CFAP74: variants seen among roughly 807,000 people sequenced by gnomAD.
The protein encoded by CFAP74 is cilia and flagella associated protein 74.
A neutral mutation model predicts 188.9 loss-of-function variants in CFAP74; 124 were observed. That is an observed-to-expected ratio of 0.66 (90% CI 0.57 to 0.76). CFAP74 has a LOEUF of 0.76. Among genes scored for constraint, CFAP74 ranks in the 30% least tolerant of loss-of-function variants. The pLI is 0.00. For synonymous variants in CFAP74, 956 were observed against 916.7 expected (o/e 1.04, Z -0.77); for missense variants, 2,198 against 2,165.2 (o/e 1.02, Z -0.30).
rs1468174645 is a variant in CFAP74, at chr1:1,969,195, G to A, written c.1047-362C>T. 1.6e-4 allele frequency among the ~76,000 whole-genome samples: 18 copies of A among 115,148 alleles called. No individual in the cohort carries two copies. In the Admixed American group the frequency reaches 1.6e-3, roughly 10 times the overall value. The allele number at this position is 115,148 out of a possible 152,430, so 75.5% of individuals were successfully genotyped here. On this transcript the variant is annotated intron_variant, in intron 10 of 38. Transcript: ENST00000682832. ...GTCCTGCCCAGCCCTGCCCAGCCCT[G>A]CCCAGCCCAGCCTAGCCCTGCCCAG...
chr1:1,960,782 C>T (rs1310214827), intron 14 of CFAP74, among the ~76,000 whole-genome samples: 2 of 152,162 alleles, frequency 1.3e-5, no homozygotes, highest in Admixed American at 6.5e-5. Flanking sequence ...GCACAGAGCC[C>T]GGGATGGAGC....
chr1:1,948,248 C>T (rs562522315), intron 18 of CFAP74, among the ~76,000 whole-genome samples: 27 of 152,050 alleles, frequency 1.8e-4, no homozygotes, highest in African/African-American at 4.6e-4. Flanking sequence ...TGGACCTGAG[C>T]GCAGGTGGTC....
In CFAP74 at chr1:1,938,996, TAGA is replaced by T; in HGVS notation, c.2878-11_2878-9del. ...GGGTTGGACGTCCACAAACTGGAAATAGAAGAGTGCTCTGAGGGCATGTCACGG... is the reference window on the plus strand; with the variant it reads ...GGGTTGGACGTCCACAAACTGGAAATAGAGTGCTCTGAGGGCATGTCACGG... On this transcript the variant is annotated splice_polypyrimidine_tract_variant and intron_variant, in intron 24 of 38. Transcript: ENST00000682832. 6.5e-7 allele frequency: 1 copy of T among 1,535,634 alleles called. No homozygotes were observed. Among genetic ancestry groups the T allele is most frequent in the Non-Finnish European group, 8.7e-7 (1 of 1,146,574 alleles).
chr1:1,997,041 C>T (rs1571000799), intron 1 of CFAP74, among the ~76,000 whole-genome samples: 1 of 151,996 alleles, frequency 6.6e-6, no homozygotes, highest in African/African-American at 2.4e-5. Flanking sequence ...AAAAACATTC[C>T]CTTAAGACCG....
At chr1:1,969,287 C>T (rs1655738619) in intron 10 of CFAP74, among the ~76,000 whole-genome samples, 1 of 137,830 alleles carries the variant, frequency 7.3e-6, no homozygotes, top group Admixed American at 7.2e-5. Flanking sequence ...CCTGCCCAGC[C>T]CAGGCCTTCC....
At chr1:1,991,690 A>G (rs13303332) in intron 1 of CFAP74, among the ~76,000 whole-genome samples, 79,729 of 152,048 alleles carry the variant, frequency 0.52, 21,221 homozygotes, top group Middle Eastern at 0.58. Flanking sequence ...TAACATCAGT[A>G]TCTTTAAGGA....
intron 22 of CFAP74, among the ~76,000 whole-genome samples, chr1:1,941,221 G>A (rs372757780): frequency 9.2e-5 from 14 of 152,324 alleles, no homozygotes; most frequent in Admixed American, 2.6e-4. Context: ...GGAAGCAGCC[G>A]ATTTTAAGCT....
intron 11 of CFAP74, among the ~76,000 whole-genome samples, chr1:1,967,079 A>G (rs558022179): frequency 6.6e-6 from 1 of 151,844 alleles, no homozygotes. Flanking sequence ...CTCATGATCC[A>G]CTCACCCTAG....
At chr1:1,984,909 G>C (rs188719946) in intron 6 of CFAP74, 1 of 163,382 alleles carries the variant, frequency 6.1e-6, no homozygotes, top group African/African-American at 2.4e-5. Flanking sequence ...AGCTCCCGGG[G>C]CTGGGGGCTG....
intron 10 of CFAP74, among the ~76,000 whole-genome samples, chr1:1,969,660 C>T (rs574365506): frequency 1.1e-4 from 16 of 152,356 alleles, no homozygotes; most frequent in South Asian, 2.1e-4. Context: ...GCCAGGCCTG[C>T]GCCAGGCTAA....
In CFAP74 at chr1:1,944,402, C is replaced by G. The variant is rs762729618; in HGVS notation, c.2415G>C (p.Pro805=). The G allele has an allele frequency of 3.9e-6, 6 of 1,536,136 alleles. No homozygotes were observed. The East Asian group carries it at 9.8e-5, about 25-fold the overall frequency. ...AGATCTTCAGGTCCACGCTGGGCTTCGGCACCCAGACCGGCACATCGATGG... is the reference window on the plus strand; with the variant it reads ...AGATCTTCAGGTCCACGCTGGGCTTGGGCACCCAGACCGGCACATCGATGG... The part of the protein sequence containing the change: ...GVAIDVPVWV[P]KPSVDLKICM... The change falls in exon 21 of 39, where the codon CCG becomes CCC. Residue 805 remains proline (P), a synonymous_variant. Coordinates refer to ENST00000682832, the MANE Select transcript of CFAP74 (RefSeq NM_001304360.2).
At chr1:1,974,701 C>T (rs139295361) in intron 6 of CFAP74, among the ~76,000 whole-genome samples, 1 of 152,240 alleles carries the variant, frequency 6.6e-6, no homozygotes, top group Non-Finnish European at 1.5e-5. Flanking sequence ...CCTGCCTGAC[C>T]CCTGGTCTTG....
At chr1:1,938,640 C>T (rs1477952369) in intron 25 of CFAP74, among the ~76,000 whole-genome samples, 10 of 152,220 alleles carry the variant, frequency 6.6e-5, no homozygotes, top group Non-Finnish European at 2.9e-5. Flanking sequence ...CAAACACACA[C>T]GTCTGAGTGG....
At chr1:1,924,672 T>C in intron 33 of CFAP74, 152 bp from the exon 34 acceptor site, 1 of 782,358 alleles carries the variant, frequency 1.3e-6, no homozygotes, top group South Asian at 1.9e-5. Context: ...GGCGGTTTAT[T>C]GAGCTGTGTG....
At chr1:1,970,520 C>CCG in intron 10 of CFAP74, 139 bp downstream of exon 10, 2 of 940,784 alleles carry the variant, frequency 2.1e-6, no homozygotes, top group Non-Finnish European at 3.1e-6. Flanking sequence ...GCCCCTGTTC[C>CCG]CGTGCCCCAC....
chr1:1,985,174 C>T (rs1448107998), intron 6 of CFAP74: 7 of 518,850 alleles, frequency 1.3e-5, no homozygotes, highest in Non-Finnish European at 2.1e-5. Flanking sequence ...TTTGGAGTTC[C>T]TAGGAACATA....
chr1:1,935,007 ATG>A lies in CFAP74; in HGVS notation c.3011+3846_3011+3847del, dbSNP rs1557997784. Among the ~76,000 whole-genome samples, 2 of 61,482 alleles carry A rather than the reference ATG, an allele frequency of 3.3e-5. 1 individual carries two copies. The highest frequency in any genetic ancestry group is 1.3e-4 in the African/African-American group (2 of 15,850). 40.3% of individuals were successfully genotyped at this position (61,482 alleles called of 152,430 possible). A position where few individuals can be genotyped will look rare whatever the true frequency, so the allele number is the denominator to read the frequency against. Reference sequence around the variant, plus strand: ...TTAGGTTGTAGGTACACACGTGTGTATGTGTGTTGCTGTGGGTACACACGTGT... The same window carrying A: ...TTAGGTTGTAGGTACACACGTGTGTATGTGTTGCTGTGGGTACACACGTGT... On this transcript the variant is annotated intron_variant, in intron 25 of 38. Transcript: ENST00000682832.
chr1:1,923,054 CGT>C lies in CFAP74; in HGVS notation c.4612_4613del (p.Thr1538AlafsTer26). 1 of 1,608,446 alleles carries C rather than the reference CGT, an allele frequency of 6.2e-7. No homozygotes were observed. The highest frequency in any genetic ancestry group is 8.5e-7 in the Non-Finnish European group (1 of 1,178,714). On this transcript the variant is annotated frameshift_variant, in exon 37 of 39. Coordinates refer to ENST00000682832, the MANE Select transcript of CFAP74 (RefSeq NM_001304360.2). LOFTEE classifies it high-confidence loss of function. The surrounding 1 kb of genome is among the most constrained non-coding windows in gnomAD (Gnocchi z 6.3). ...TLDYIQFDTD[T>X]PAPPATRELQ... ...GCTCTCGGGTGGCAGGTGGGGCTGG[CGT>C]GTCTGTGTCAAACTGGATGTAGTCC...
At chr1:1,946,093 A>G (rs1463420999) in intron 20 of CFAP74, among the ~76,000 whole-genome samples, 1 of 152,152 alleles carries the variant, frequency 6.6e-6, no homozygotes, top group Admixed American at 6.5e-5. Context: ...TTGCATGGGC[A>G]TGCGTGTATG....
Sources: allele counts gnomAD v4.1 joint callset (sites outside exome capture counted in the v4.1 genomes callset), GRCh38; gene constraint gnomAD v4.1.1; non-coding constraint Gnocchi (gnomAD v3.1); transcripts MANE v1.5; gene names NCBI Gene and HGNC (gene_info 2026-07-23, HGNC 2026-07-21).